DMXL1: variants seen among roughly 807,000 people sequenced by gnomAD.
DMXL1 encodes the protein Dmx like 1, also known as dmX-like protein 1.
In DMXL1, 99 loss-of-function variants were observed where a neutral mutation model predicts 319.2. The observed-to-expected ratio is 0.31, with a 90% CI of 0.26 to 0.37. The LOEUF is 0.37. Ranked by LOEUF, DMXL1 falls within the 10% of genes least tolerant of loss-of-function variation. The pLI is 1.00. For missense variants in DMXL1, 3,745 were observed against 3,595.6 expected, an observed-to-expected ratio of 1.04 and a Z score of -1.06; for synonymous variants, 1,385 against 1,235.2, an observed-to-expected ratio of 1.12 and a Z score of -2.54.
intron 32 of DMXL1, among the ~76,000 whole-genome samples, chr5:119,198,193 T>C (rs111258043): frequency 6.6e-6 from 1 of 152,162 alleles, no homozygotes; most frequent in South Asian, 2.1e-4. Context: ...TTCACCATGT[T>C]GGCCAGGCTG....
chr5:119,159,701 GCGAC>G (rs2150196011), intron 19 of DMXL1, among the ~76,000 whole-genome samples: 1 of 152,326 alleles, frequency 6.6e-6, no homozygotes, highest in South Asian at 2.1e-4. Context: ...GCAGCTCACT[GCGAC>G]CTGTGCCTCG....
At chr5:119,114,683 T>C (rs1483283997) in intron 6 of DMXL1, 142 bp downstream of exon 6, 2 of 657,966 alleles carry the variant, frequency 3.0e-6, no homozygotes, top group Admixed American at 6.6e-5. Flanking sequence ...TGTTTGTTTG[T>C]TTTGTGATGG....
intron 19 of DMXL1, chr5:119,154,813 G>T (rs1581055069): frequency 6.6e-6 from 1 of 152,310 alleles, no homozygotes; most frequent in African/African-American, 2.4e-5. Context: ...GACTTTCGTA[G>T]TTAGAGAGCA....
At chr5:119,179,040 A>T (rs1295589259) in intron 28 of DMXL1, among the ~76,000 whole-genome samples, 2 of 152,180 alleles carry the variant, frequency 1.3e-5, no homozygotes, top group Non-Finnish European at 2.9e-5. Flanking sequence ...TATGATTTGC[A>T]TATTATGATT....
chr5:119,110,297 CAG>C lies in DMXL1; in HGVS notation c.497+15_497+16del. On this transcript the variant is annotated intron_variant, in intron 5 of 43. Transcript: ENST00000539542. Reference sequence around the variant, plus strand: ...TTGGCATTGCAAGTAAGCAATTAATCAGGGGAGTAAACTGATAAACCTGTTGT... The same window carrying C: ...TTGGCATTGCAAGTAAGCAATTAATCGGGAGTAAACTGATAAACCTGTTGT... 12 of 1,544,578 alleles carry C rather than the reference CAG, an allele frequency of 7.8e-6. No individual in the cohort carries two copies. The Middle Eastern group carries it at 5.2e-4, about 67-fold the overall frequency.
chr5:119,157,478 C>T (rs1771354623), intron 19 of DMXL1, among the ~76,000 whole-genome samples: 1 of 152,170 alleles, frequency 6.6e-6, no homozygotes, highest in Non-Finnish European at 1.5e-5. Flanking sequence ...AGTATTTAAT[C>T]CATTTTGACC....
intron 8 of DMXL1, among the ~76,000 whole-genome samples, chr5:119,119,995 C>T (rs914284887): frequency 6.6e-6 from 1 of 152,014 alleles, no homozygotes; most frequent in Non-Finnish European, 1.5e-5. Flanking sequence ...GTAGTCCCTC[C>T]TCAGCCTCCC....
chr5:119,240,422 C>T lies in DMXL1; in HGVS notation c.8655C>T (p.Asn2885=), dbSNP rs1427566387. 4.4e-6 allele frequency: 7 copies of T among 1,577,332 alleles called. No homozygotes were observed. The South Asian group carries it at 4.6e-5, about 10-fold the overall frequency. The change falls in exon 42 of 44, where the codon AAC becomes AAT. Residue 2885 remains asparagine (N), a synonymous_variant. Coordinates refer to ENST00000539542, the MANE Select transcript of DMXL1 (RefSeq NM_001290321.3). ...TAATCTTTTTTTTTTTTTCCAGAAA[C>T]GTATGTTTGTGGGATACTCTTGTAG... ...ATAGLSTDNR[N]VCLWDTLVAP...
intron 9 of DMXL1, among the ~76,000 whole-genome samples, chr5:119,122,952 C>T (rs1051945616): frequency 6.6e-6 from 1 of 152,140 alleles, no homozygotes; most frequent in Non-Finnish European, 1.5e-5. Flanking sequence ...CCAAGGCAGG[C>T]AGCTGGGAGG....
rs749829572 is a variant in DMXL1, at chr5:119,175,351, TA to T, written c.6758+15del. The T allele has an allele frequency of 1.3e-6, 2 of 1,586,632 alleles. No homozygotes were observed. Among genetic ancestry groups the T allele is most frequent in the South Asian group, 1.1e-5 (1 of 89,598 alleles). ...TCATAACTACAGGTAACTATCTTTTTATGAAATTTAAGAATGCTTACAGTAA... is the reference window on the plus strand; with the variant it reads ...TCATAACTACAGGTAACTATCTTTTTTGAAATTTAAGAATGCTTACAGTAA... On this transcript the variant is annotated intron_variant, in intron 26 of 43. Coordinates refer to ENST00000539542, the MANE Select transcript of DMXL1 (RefSeq NM_001290321.3).
At chr5:119,104,320 A>C (rs1757884913) in intron 3 of DMXL1, 1 of 152,228 alleles carries the variant, frequency 6.6e-6, no homozygotes, top group South Asian at 2.1e-4. Flanking sequence ...GCAGTGTTTC[A>C]TGAAAGCATA....
In DMXL1 at chr5:119,212,506, A is replaced by C. The variant is rs536386114; in HGVS notation, c.7927-4395A>C. Among the ~76,000 whole-genome samples, 74 of 152,326 alleles carry C rather than the reference A, an allele frequency of 4.9e-4. No homozygotes were observed. In the South Asian group the frequency reaches 8.7e-3, roughly 18 times the overall value. On this transcript the variant is annotated intron_variant, in intron 34 of 43. Coordinates refer to ENST00000539542, the MANE Select transcript of DMXL1 (RefSeq NM_001290321.3). ...CTTGGTTATTGTGAATAATGGTGCT[A>C]TGAACATTGATATACAAATATCTGA... is the stretch of plus-strand genomic sequence containing the variant.
chr5:119,173,828 T>G (rs9327090), intron 25 of DMXL1, among the ~76,000 whole-genome samples: 110,858 of 125,494 alleles, frequency 0.88, 49,337 homozygotes, highest in East Asian at 0.99. Context: ...TAAGGAATTG[T>G]TTTATGTGGT....
intron 15 of DMXL1, among the ~76,000 whole-genome samples, chr5:119,146,377 A>G (rs1581005263): frequency 6.6e-6 from 1 of 152,094 alleles, no homozygotes; most frequent in South Asian, 2.1e-4. Flanking sequence ...GGGAGAAGAC[A>G]AATTTTCTTG....
At chr5:119,213,530 A>G (rs1380207652) in intron 34 of DMXL1, among the ~76,000 whole-genome samples, 1 of 152,222 alleles carries the variant, frequency 6.6e-6, no homozygotes, top group African/African-American at 2.4e-5. Flanking sequence ...CCTTTAAAAA[A>G]TACTCCATTT....
Position 119,151,945 on chromosome 5 carries a change from T to C in DMXL1, c.4611T>C (p.Asp1537=). The change falls in exon 19 of 44, where the codon GAT becomes GAC. Residue 1537 remains aspartate (D), a synonymous_variant. Coordinates refer to ENST00000539542, the MANE Select transcript of DMXL1 (RefSeq NM_001290321.3). Reference sequence around the variant, plus strand: ...CCATTGCAGGTGGAGAAACTCTTGATGAATGTGGGTTAAAATTTCTTTTGG... The same window carrying C: ...CCATTGCAGGTGGAGAAACTCTTGACGAATGTGGGTTAAAATTTCTTTTGG... ...RDRSQGGETL[D]ECGLKFLLAV... 6.2e-7 allele frequency: 1 copy of C among 1,612,696 alleles called. No homozygotes were observed. The highest frequency in any genetic ancestry group is 1.1e-5 in the South Asian group (1 of 90,982).
At chr5:119,167,914 G>C (rs944752075) in intron 23 of DMXL1, 50 bp downstream of exon 23, 2 of 1,545,228 alleles carry the variant, frequency 1.3e-6, no homozygotes, top group African/African-American at 2.8e-5. Flanking sequence ...ATTGGTAATT[G>C]CTACATGTGC....
intron 13 of DMXL1, among the ~76,000 whole-genome samples, chr5:119,142,862 AAG>A (rs2150105972): frequency 6.6e-6 from 1 of 152,288 alleles, no homozygotes; most frequent in Non-Finnish European, 1.5e-5. Flanking sequence ...AGCCATAAAA[AAG>A]AATGAAATGA....
chr5:119,183,314 T>A (rs182304776), intron 28 of DMXL1, among the ~76,000 whole-genome samples: 37 of 152,290 alleles, frequency 2.4e-4, no homozygotes, highest in Admixed American at 2.1e-3. Flanking sequence ...CAGCAAAATA[T>A]CTTGACCAGA....
Sources: allele counts gnomAD v4.1 joint callset (sites outside exome capture counted in the v4.1 genomes callset), GRCh38; gene constraint gnomAD v4.1.1; transcripts MANE v1.5; gene names NCBI Gene and HGNC (gene_info 2026-07-23, HGNC 2026-07-21).